Variants in DENND2B observed in about 807,000 individuals in gnomAD.
DENND2B encodes DENN domain containing 2B.
A neutral mutation model predicts 116.0 loss-of-function variants in DENND2B; 32 were observed. That is an observed-to-expected ratio of 0.28 (90% CI 0.21 to 0.37). The LOEUF (loss-of-function observed/expected upper bound fraction) is 0.37. DENND2B is among the 10% of genes least tolerant of loss of function. The probability of loss-of-function intolerance (pLI) is 1.00; values close to 1 mark genes in which losing one functional copy is unlikely to be tolerated. For missense variants in DENND2B, 1,276 were observed against 1,477.7 expected (o/e 0.86, Z 2.24); for synonymous variants, 588 against 583.9 (o/e 1.01, Z -0.10).
At chr11:8,782,750 G>A (rs1012182687) in intron 1 of DENND2B, among the ~76,000 whole-genome samples, 1 of 151,774 alleles carries the variant, frequency 6.6e-6, no homozygotes, top group Non-Finnish European at 1.5e-5. Context: ...AGGCGGGCGT[G>A]GGGGTGGGTG....
At chr11:8,807,286 G>A (rs1348589049) in intron 1 of DENND2B, among the ~76,000 whole-genome samples, 1 of 152,240 alleles carries the variant, frequency 6.6e-6, no homozygotes, top group Non-Finnish European at 1.5e-5. Flanking sequence ...CTGCCCCACA[G>A]GGAGGTGCTT....
Position 8,730,597 on chromosome 11 carries a change from G to C in DENND2B, c.693C>G (p.Thr231=), listed in dbSNP as rs776985375. The C allele has an allele frequency of 1.2e-6, 2 of 1,613,150 alleles. No individual in the cohort carries two copies. Among genetic ancestry groups the C allele is most frequent in the Non-Finnish European group, 1.7e-6 (2 of 1,180,032 alleles). ...DFKGLRRMSR[T]FSECSYPETE... is the part of the protein sequence containing the mutation. Reference sequence around the variant, plus strand: ...TCTCTGGGTAGGAACACTCGGAGAAGGTCCTGCTCATCCTCCGGAGGCCCT... The same window carrying C: ...TCTCTGGGTAGGAACACTCGGAGAACGTCCTGCTCATCCTCCGGAGGCCCT... Residue 231 remains threonine (T), a synonymous_variant, in exon 3 of 20, where the codon ACC becomes ACG. Transcript: ENST00000313726. This position sits in a 1 kb window ranked among gnomAD's most constrained non-coding sequence, Gnocchi z 4.1.
At chr11:8,771,566 A>AGAGAGAGAGAGAGAGCGAGC (rs146752028) in intron 1 of DENND2B, 7 of 120,308 alleles carry the variant, frequency 5.8e-5, no homozygotes, top group South Asian at 3.0e-4. Context: ...AGAGAGAGAG[A>AGAGAGAGAGAGAGAGCGAGC]GCCTTCTTCC....
At chr11:8,700,855 T>C (rs2041450673) in intron 14 of DENND2B, among the ~76,000 whole-genome samples, 1 of 151,894 alleles carries the variant, frequency 6.6e-6, no homozygotes, top group Admixed American at 6.6e-5. Flanking sequence ...TGAGACAGAG[T>C]GTCACTCCCA....
chr11:8,906,216 T>G (rs973686074), intron 1 of DENND2B, among the ~76,000 whole-genome samples: 10 of 146,984 alleles, frequency 6.8e-5, no homozygotes, highest in African/African-American at 2.5e-4. Flanking sequence ...TTTTTTTTTT[T>G]TTTTTTTGAG....
rs543878876 is a variant in DENND2B, at chr11:8,905,532, A to G, written c.-256+5289T>C. Among the ~76,000 whole-genome samples the G allele has an allele frequency of 6.6e-5, 10 of 152,352 alleles. No homozygotes were observed. In the East Asian group the frequency reaches 1.7e-3, roughly 26 times the overall value. ...ATATAACACCAAAAGCACAATTTAT[A>G]AAGGAAAAAAATTAATAAGTTGGAG... On this transcript the variant is annotated intron_variant, in intron 1 of 22. Coordinates refer to the DENND2B transcript ENST00000534127.
At chr11:8,729,742 G>A (rs1486352517) in intron 3 of DENND2B, among the ~76,000 whole-genome samples, 1 of 152,182 alleles carries the variant, frequency 6.6e-6, no homozygotes, top group Non-Finnish European at 1.5e-5. Context: ...CAAGTATCCT[G>A]TAAGCATTCC....
chr11:8,695,582 C>A (rs1294215945), intron 18 of DENND2B, 33 bp from the exon 19 acceptor site: 3 of 1,601,430 alleles, frequency 1.9e-6, no homozygotes, highest in African/African-American at 2.7e-5. Context: ...GGGAAGAGAA[C>A]AGTCATTGGA....
intron 2 of DENND2B, among the ~76,000 whole-genome samples, chr11:8,734,321 G>GT (rs567454704): frequency 0.018 from 2,616 of 145,664 alleles, 63 homozygotes; most frequent in African/African-American, 0.05. Context: ...CATTAGTACT[G>GT]TTTTTTTTTT....
At chr11:8,808,761 G>A (rs1229631948) in intron 1 of DENND2B, 12 of 152,248 alleles carry the variant, frequency 7.9e-5, no homozygotes, top group African/African-American at 2.9e-4. Flanking sequence ...CAACAGTCCT[G>A]TGAAGTTGTT....
intron 13 of DENND2B, among the ~76,000 whole-genome samples, chr11:8,703,788 AC>A (rs1385491691): frequency 6.6e-6 from 1 of 152,208 alleles, no homozygotes; most frequent in Non-Finnish European, 1.5e-5. Context: ...CAAAATGGGC[AC>A]AGGGCATGGT....
chr11:8,733,668 T>C (rs529364319), intron 2 of DENND2B, among the ~76,000 whole-genome samples: 9 of 152,310 alleles, frequency 5.9e-5, no homozygotes, highest in African/African-American at 2.2e-4. Flanking sequence ...CACCAGTCCA[T>C]GGAACCACTG....
chr11:8,697,471 C>T, intron 17 of DENND2B, 54 bp downstream of exon 17: 17 of 1,452,824 alleles, frequency 1.2e-5, no homozygotes, highest in Non-Finnish European at 1.5e-5. Flanking sequence ...GGGCCCTGAC[C>T]CAGAGCAGAG....
At chr11:8,909,336 C>T (rs2064280118) in intron 1 of DENND2B, among the ~76,000 whole-genome samples, 1 of 151,954 alleles carries the variant, frequency 6.6e-6, no homozygotes, top group African/African-American at 2.4e-5. Flanking sequence ...TGCACTTCAG[C>T]CTGGCTGACA....
chr11:8,784,432 A>G (rs1285501521), intron 1 of DENND2B: 16 of 151,960 alleles, frequency 1.1e-4, no homozygotes, highest in East Asian at 1.9e-4. Flanking sequence ...GTAACAAAAA[A>G]AAAAAAAAAG....
intron 1 of DENND2B, among the ~76,000 whole-genome samples, chr11:8,807,381 T>C (rs777516481): frequency 2.0e-5 from 3 of 152,008 alleles, no homozygotes; most frequent in Non-Finnish European, 4.4e-5. Context: ...TCAGATGCGG[T>C]GGGGAGTGGG....
intron 2 of DENND2B, among the ~76,000 whole-genome samples, chr11:8,857,667 C>T (rs2134666949): frequency 6.6e-6 from 1 of 152,326 alleles, no homozygotes; most frequent in South Asian, 2.1e-4. Flanking sequence ...CCCCTGGTTA[C>T]TCCCCAACCC....
intron 14 of DENND2B, 137 bp from the exon 15 acceptor site, chr11:8,699,527 C>T (rs1294151890): frequency 1.2e-5 from 10 of 815,002 alleles, no homozygotes; most frequent in Non-Finnish European, 1.3e-5. Context: ...ACCCTGCAGA[C>T]TGGTAAAGTC....
intron 1 of DENND2B, among the ~76,000 whole-genome samples, chr11:8,893,158 C>A (rs2134746426): frequency 6.6e-6 from 1 of 152,288 alleles, no homozygotes; most frequent in South Asian, 2.1e-4. Flanking sequence ...ACATGACTAT[C>A]TCAATAGATG....
Sources: gnomAD v4.1 joint callset for allele counts (sites outside exome capture counted in the v4.1 genomes callset) on GRCh38, gnomAD v4.1.1 for gene constraint, Gnocchi (gnomAD v3.1) non-coding constraint, MANE v1.5 for transcripts, NCBI Gene and HGNC (gene_info 2026-07-23, HGNC 2026-07-21) for gene names.